ADGRV1: variants seen among roughly 807,000 people sequenced by gnomAD.
The protein encoded by ADGRV1 is adhesion G protein-coupled receptor V1, also known as G-protein coupled receptor 98.
A neutral mutation model predicts 596.2 loss-of-function variants in ADGRV1; 359 were observed. That is an observed-to-expected ratio of 0.60 (90% CI 0.55 to 0.66). The LOEUF (loss-of-function observed/expected upper bound fraction) is 0.66. Among genes scored for constraint, ADGRV1 ranks in the 30% least tolerant of loss-of-function variants. The probability of loss-of-function intolerance (pLI) is 0.00; values close to 1 mark genes in which losing one functional copy is unlikely to be tolerated. For synonymous variants in ADGRV1, 2,681 were observed against 2,679.2 expected, an observed-to-expected ratio of 1.00 and a Z score of -0.02; for missense variants, 7,274 against 7,575.6, an observed-to-expected ratio of 0.96 and a Z score of 1.48.
intron 77 of ADGRV1, among the ~76,000 whole-genome samples, chr5:90,836,837 T>A (rs1234447031): frequency 1.3e-5 from 2 of 152,258 alleles, no homozygotes; most frequent in African/African-American, 2.4e-5. Context: ...TTCACCTCTC[T>A]GGTATTATTT....
intron 1 of ADGRV1, among the ~76,000 whole-genome samples, chr5:90,578,538 A>ACC (rs1757538642): frequency 6.6e-6 from 1 of 151,088 alleles, no homozygotes; most frequent in African/African-American, 2.5e-5. Context: ...GGATTTTTGC[A>ACC]TCGATGTTCA....
intron 50 of ADGRV1, among the ~76,000 whole-genome samples, chr5:90,730,057 G>T (rs554708091): frequency 6.6e-6 from 1 of 152,180 alleles, no homozygotes; most frequent in South Asian, 2.1e-4. Context: ...TAGTAGAGAC[G>T]GGGTTTCACC....
intron 85 of ADGRV1, among the ~76,000 whole-genome samples, chr5:90,998,133 C>T (rs1489778365): frequency 6.6e-6 from 1 of 152,124 alleles, no homozygotes; most frequent in East Asian, 1.9e-4. Flanking sequence ...ATAAAGATTG[C>T]AAGCACTAAA....
intron 83 of ADGRV1, among the ~76,000 whole-genome samples, chr5:90,878,806 G>T (rs1282847040): frequency 6.6e-6 from 1 of 152,168 alleles, no homozygotes; most frequent in African/African-American, 2.4e-5. Context: ...ATGGTGTAGT[G>T]TAGGTGTCAC....
At chr5:90,688,444 G>A (rs1038949113) in intron 29 of ADGRV1, among the ~76,000 whole-genome samples, 11 of 152,184 alleles carry the variant, frequency 7.2e-5, no homozygotes, top group Admixed American at 2.0e-4. Context: ...TGCAATGTCC[G>A]CCTCCCGGGT....
intron 4 of ADGRV1, among the ~76,000 whole-genome samples, chr5:90,619,848 G>A (rs1470113731): frequency 1.3e-4 from 19 of 150,116 alleles, no homozygotes; most frequent in African/African-American, 4.2e-4. Context: ...GAGAACATGC[G>A]GTGTTTGGTT....
At chr5:91,075,431 A>T (rs1458787062) in intron 86 of ADGRV1, among the ~76,000 whole-genome samples, 1 of 152,196 alleles carries the variant, frequency 6.6e-6, no homozygotes, top group East Asian at 1.9e-4. Context: ...AATATGCTTC[A>T]TTACTGATAT....
intron 83 of ADGRV1, among the ~76,000 whole-genome samples, chr5:90,923,067 C>G (rs189556076): frequency 6.6e-6 from 1 of 152,128 alleles, no homozygotes; most frequent in South Asian, 2.1e-4. Context: ...GCACTAAACC[C>G]ACCAAATTAT....
At chr5:90,963,512 A>G (rs953416955) in intron 83 of ADGRV1, among the ~76,000 whole-genome samples, 6 of 152,080 alleles carry the variant, frequency 3.9e-5, no homozygotes, top group Non-Finnish European at 7.4e-5. Flanking sequence ...TCAGATTGTC[A>G]GGAAATAATG....
At chr5:90,642,817 T>G (rs1767156347) in intron 12 of ADGRV1, 39 bp from the exon 13 acceptor site, 2 of 1,600,680 alleles carry the variant, frequency 1.2e-6, no homozygotes, top group Non-Finnish European at 1.7e-6. Flanking sequence ...AGAAGAATGA[T>G]CTCAAAGGGT....
chr5:90,715,119 C>G (rs1749915141), intron 42 of ADGRV1, among the ~76,000 whole-genome samples: 1 of 152,176 alleles, frequency 6.6e-6, no homozygotes, highest in Non-Finnish European at 1.5e-5. Context: ...CCATTGCCTT[C>G]CCTTGTGTTC....
intron 34 of ADGRV1, among the ~76,000 whole-genome samples, chr5:90,702,037 C>T (rs1747975816): frequency 8.2e-6 from 1 of 121,884 alleles, no homozygotes; most frequent in South Asian, 2.8e-4. Context: ...AAAGAGTCAC[C>T]AGACAACACT....
intron 85 of ADGRV1, among the ~76,000 whole-genome samples, chr5:91,019,844 T>A (rs1015014426): frequency 2.0e-5 from 3 of 151,990 alleles, no homozygotes; most frequent in Non-Finnish European, 4.4e-5. Flanking sequence ...TAGAGCGAAA[T>A]CTAATTATTC....
chr5:90,731,196 C>T (rs1752493084), intron 50 of ADGRV1, among the ~76,000 whole-genome samples: 1 of 152,094 alleles, frequency 6.6e-6, no homozygotes, highest in Non-Finnish European at 1.5e-5. Flanking sequence ...AGGAAGCTTA[C>T]AGTCATGGCA....
intron 85 of ADGRV1, among the ~76,000 whole-genome samples, chr5:91,015,561 C>T (rs1783108471): frequency 6.6e-6 from 1 of 151,996 alleles, no homozygotes; most frequent in South Asian, 2.1e-4. Flanking sequence ...AACCTAGGTG[C>T]TCCTGTGTTG....
At chr5:90,806,834 G>GATTT (rs1328118265) in intron 72 of ADGRV1, among the ~76,000 whole-genome samples, 1 of 151,696 alleles carries the variant, frequency 6.6e-6, no homozygotes, top group Non-Finnish European at 1.5e-5. Flanking sequence ...TCACTGACTA[G>GATTT]ATTTATTTAT....
At chr5:90,899,356 G>A (rs950257520) in intron 83 of ADGRV1, 1 of 152,090 alleles carries the variant, frequency 6.6e-6, no homozygotes, top group African/African-American at 2.4e-5. Context: ...GGTATTTCTG[G>A]CCTCCAGTCC....
At chr5:90,797,743 C>T (rs1034473971) in intron 70 of ADGRV1, among the ~76,000 whole-genome samples, 1 of 152,068 alleles carries the variant, frequency 6.6e-6, no homozygotes, top group Non-Finnish European at 1.5e-5. Flanking sequence ...CACACCTCAG[C>T]AAATGTGAAA....
intron 87 of ADGRV1, among the ~76,000 whole-genome samples, chr5:91,148,504 G>A (rs1795746576): frequency 6.6e-6 from 1 of 152,250 alleles, no homozygotes; most frequent in Non-Finnish European, 1.5e-5. Flanking sequence ...GTACACAGAA[G>A]ACAAGAATTG....
Sources: gnomAD v4.1 joint callset for allele counts (sites outside exome capture counted in the v4.1 genomes callset) on GRCh38, gnomAD v4.1.1 for gene constraint, MANE v1.5 for transcripts, NCBI Gene and HGNC (gene_info 2026-07-23, HGNC 2026-07-21) for gene names.